Variants in CUL5 observed in about 807,000 individuals in gnomAD.
CUL5 encodes the protein cullin 5, also known as cullin-5.
CUL5 carries 26 observed loss-of-function variants against 108.8 expected under a neutral mutation model. The ratio of observed to expected loss-of-function variants is 0.24; its 90% CI spans 0.18 to 0.33. CUL5 has a LOEUF of 0.33. Among genes scored for constraint, CUL5 ranks in the 10% least tolerant of loss-of-function variants. CUL5 has a pLI of 1.00. For synonymous variants in CUL5, 334 were observed against 298.0 expected (o/e 1.12, Z -1.25); for missense variants, 524 against 909.2 (o/e 0.58, Z 5.45).
At position 108,023,932 on chromosome 11, in the gene CUL5, C is replaced by T. The variant is rs11212489; in HGVS notation, c.25-9870C>T. ...TCTTGGAAAACAGTGTCCTCTTCCTCCTCCTCCACCATGTTTGAAAAGAAA... is the reference window on the plus strand; with the variant it reads ...TCTTGGAAAACAGTGTCCTCTTCCTTCTCCTCCACCATGTTTGAAAAGAAA... On this transcript the variant is annotated intron_variant, in intron 1 of 18. Coordinates refer to ENST00000393094, the MANE Select transcript of CUL5 (RefSeq NM_003478.6). Among the ~76,000 whole-genome samples, 595 of 152,282 alleles carry T rather than the reference C, an allele frequency of 3.9e-3. 5 individuals are homozygous for T. The highest frequency in any genetic ancestry group is 6.8e-3 in the Non-Finnish European group (461 of 68,014).
At chr11:108,039,900 T>G (rs1250986687) in intron 2 of CUL5, among the ~76,000 whole-genome samples, 1 of 152,230 alleles carries the variant, frequency 6.6e-6, no homozygotes, top group East Asian at 1.9e-4. Flanking sequence ...AGTGGTTGCC[T>G]TCGTGTTTCT....
chr11:108,100,501 G>A (rs1449854907), intron 18 of CUL5, among the ~76,000 whole-genome samples: 2 of 152,046 alleles, frequency 1.3e-5, no homozygotes, highest in Non-Finnish European at 2.9e-5. Context: ...CCTAGATTGC[G>A]CCACTGCACT....
chr11:108,083,107 T>C (rs925914175), intron 11 of CUL5, among the ~76,000 whole-genome samples: 4 of 152,224 alleles, frequency 2.6e-5, no homozygotes, highest in African/African-American at 9.6e-5. Context: ...CTCTGACTAA[T>C]TGCTCTGACC....
chr11:108,051,730 C>A (rs188399274), intron 4 of CUL5, among the ~76,000 whole-genome samples: 305 of 152,264 alleles, frequency 2.0e-3, no homozygotes, highest in Non-Finnish European at 2.8e-3. Flanking sequence ...GTCCTTTTTA[C>A]ATTTTTTATG....
At chr11:108,030,278 C>T (rs1426752240) in intron 1 of CUL5, among the ~76,000 whole-genome samples, 2 of 152,192 alleles carry the variant, frequency 1.3e-5, no homozygotes, top group African/African-American at 4.8e-5. Flanking sequence ...ACTAGTTGTT[C>T]AGGAGAGAAG....
chr11:108,049,751 CAT>C, intron 3 of CUL5, 137 bp from the exon 4 acceptor site: 1 of 656,266 alleles, frequency 1.5e-6, no homozygotes, highest in Non-Finnish European at 2.5e-6. Context: ...TTTTTGTGAA[CAT>C]GTTTTAATTT....
chr11:108,027,739 C>T (rs1862486646), intron 1 of CUL5, among the ~76,000 whole-genome samples: 1 of 152,136 alleles, frequency 6.6e-6, no homozygotes, highest in South Asian at 2.1e-4. Flanking sequence ...CTTCATTCCA[C>T]TCTAATCTGG....
At chr11:108,081,009 G>A (rs1297153188) in intron 11 of CUL5, among the ~76,000 whole-genome samples, 3 of 151,218 alleles carry the variant, frequency 2.0e-5, no homozygotes, top group East Asian at 1.9e-4. Flanking sequence ...TTATAGGGCC[G>A]GGCACAGTGG....
chr11:108,019,703 C>T (rs1302518583), intron 1 of CUL5, among the ~76,000 whole-genome samples: 2 of 152,034 alleles, frequency 1.3e-5, no homozygotes, highest in African/African-American at 4.8e-5. Context: ...GTACATAATC[C>T]TTGGATAATA....
rs200546607 is a variant in CUL5 at position 108,100,756 on chromosome 11, C to T, written c.2148+2227C>T. On this transcript the variant is annotated intron_variant, in intron 18 of 18. Coordinates refer to ENST00000393094, the MANE Select transcript of CUL5 (RefSeq NM_003478.6). ...AGTAAAGAGTTGAAATGTGGCCAGG[C>T]GCGGTGGCTCACGCCTGTAATCCCA... Among the ~76,000 whole-genome samples the T allele has an allele frequency of 3.9e-5, 6 of 152,134 alleles. No individual in the cohort carries two copies. In the South Asian group the frequency reaches 6.2e-4, roughly 16 times the overall value.
intron 1 of CUL5, among the ~76,000 whole-genome samples, chr11:108,025,606 G>A (rs1306522624): frequency 6.6e-6 from 1 of 152,080 alleles, no homozygotes; most frequent in Non-Finnish European, 1.5e-5. Flanking sequence ...ACTCTGGCTG[G>A]TAGCAACACT....
At chr11:108,029,655 G>A (rs987829034) in intron 1 of CUL5, among the ~76,000 whole-genome samples, 2 of 152,166 alleles carry the variant, frequency 1.3e-5, no homozygotes, top group Non-Finnish European at 1.5e-5. Flanking sequence ...GGAACTACTT[G>A]AGCATCATTT....
intron 5 of CUL5, among the ~76,000 whole-genome samples, chr11:108,054,007 A>G (rs1186303659): frequency 3.3e-5 from 5 of 152,032 alleles, no homozygotes; most frequent in Non-Finnish European, 2.9e-5. Flanking sequence ...CATCACTCCC[A>G]GCTAATGTTT....
intron 1 of CUL5, among the ~76,000 whole-genome samples, chr11:108,032,291 G>T (rs976392302): frequency 1.3e-5 from 2 of 152,114 alleles, no homozygotes; most frequent in Admixed American, 6.5e-5. Context: ...TGCATCAGTT[G>T]AGCCCAGGAG....
intron 14 of CUL5, 124 bp downstream of exon 14, chr11:108,094,638 G>C: frequency 2.6e-6 from 2 of 774,144 alleles, no homozygotes; most frequent in Non-Finnish European, 3.9e-6. Flanking sequence ...CATTTCCGTG[G>C]AGACAGCTAT....
At position 108,106,197 on chromosome 11, in the gene CUL5, T is replaced by A. The variant is rs1418426981; in HGVS notation, c.*1813T>A. 1.3e-5 allele frequency: 2 copies of A among 152,606 alleles called. No homozygotes were observed. Among genetic ancestry groups the A allele is most frequent in the African/African-American group, 4.8e-5 (2 of 41,458 alleles). 9.5% of individuals were successfully genotyped at this position (152,606 alleles called of 1,614,324 possible). On this transcript the variant is annotated 3_prime_UTR_variant, in exon 19 of 19. Transcript: ENST00000393094. ...AATTTTGTAGTAATTGTGGCCCTTA[T>A]GTTTAACAGATAATTCAGCATTGGC...
chr11:108,076,751 T>C (rs1018306079), intron 10 of CUL5, among the ~76,000 whole-genome samples: 6 of 152,218 alleles, frequency 3.9e-5, no homozygotes, highest in African/African-American at 1.4e-4. Flanking sequence ...GCTGGGATTA[T>C]GATTACATTA....
rs368681058 is a variant in CUL5 at position 108,045,301 on chromosome 11, T to C, written c.135-969T>C. ...TATGCTTTATTGTGATTTAAGTGAC[T>C]AATTTTTTTAAAAAGACAAAATAGG... On this transcript the variant is annotated intron_variant, in intron 2 of 18. Transcript: ENST00000393094. 4.9e-4 allele frequency among the ~76,000 whole-genome samples: 74 copies of C among 152,330 alleles called. No homozygotes were observed. The South Asian group carries it at 9.7e-3, about 20-fold the overall frequency.
chr11:108,107,429 T>G lies in CUL5; in HGVS notation c.*3045T>G, dbSNP rs746237135. ...ACTCAAGCTGGTTTTTCTGTTCTCA[T>G]GTAAGTGACTGGGATGCTGTCTTAT... On this transcript the variant is annotated 3_prime_UTR_variant, in exon 19 of 19. Transcript: ENST00000393094. 1.3e-5 allele frequency: 2 copies of G among 152,662 alleles called. No homozygotes were observed. The highest frequency in any genetic ancestry group is 2.9e-5 in the Non-Finnish European group (2 of 68,032). The allele number at this position is 152,662 out of a possible 1,614,324, so 9.5% of individuals were successfully genotyped here. A position where few individuals can be genotyped will look rare whatever the true frequency, so the allele number is the denominator to read the frequency against.
Sources: allele counts gnomAD v4.1 joint callset (sites outside exome capture counted in the v4.1 genomes callset), GRCh38; gene constraint gnomAD v4.1.1; transcripts MANE v1.5; gene names NCBI Gene and HGNC (gene_info 2026-07-23, HGNC 2026-07-21).